The following AMBRA1 variants were observed in gnomAD, a reference collection of about 807,000 sequenced individuals.
AMBRA1 encodes the protein autophagy and beclin 1 regulator 1.
Under a neutral mutation model 125.4 loss-of-function variants are expected in AMBRA1, and 47 were observed. The observed-to-expected ratio is 0.37, with a 90% CI of 0.30 to 0.48. AMBRA1 has a LOEUF of 0.48. AMBRA1 is among the 20% of genes least tolerant of loss of function. The pLI, the probability that AMBRA1 is intolerant of heterozygous loss-of-function variation, is 0.99. For missense variants in AMBRA1, 1,331 were observed against 1,693.4 expected (o/e 0.79, Z 3.76); for synonymous variants, 626 against 655.5 (o/e 0.95, Z 0.69).
chr11:46,446,416 C>T (rs1268775373), intron 11 of AMBRA1, among the ~76,000 whole-genome samples: 1 of 152,178 alleles, frequency 6.6e-6, no homozygotes, highest in Non-Finnish European at 1.5e-5. Flanking sequence ...GGTTAATGGA[C>T]TGAGCTAGAA....
At chr11:46,576,437 GC>G (rs2043963677) in intron 1 of AMBRA1, among the ~76,000 whole-genome samples, 1 of 152,224 alleles carries the variant, frequency 6.6e-6, no homozygotes, top group Admixed American at 6.5e-5. Context: ...CAGACATATT[GC>G]TTTGATTAAC....
intron 1 of AMBRA1, among the ~76,000 whole-genome samples, chr11:46,581,797 C>CAAAAAAAAAAAAAAAA (rs1162857231): frequency 1.4e-5 from 1 of 69,950 alleles, no homozygotes. Context: ...AAAACTCCAT[C>CAAAAAAAAAAAAAAAA]AAAAAAAAAA....
intron 11 of AMBRA1, among the ~76,000 whole-genome samples, chr11:46,472,733 TA>T (rs1949651182): frequency 6.6e-6 from 1 of 152,148 alleles, no homozygotes; most frequent in Non-Finnish European, 1.5e-5. Flanking sequence ...TCAGCAATAA[TA>T]AAAACACAAA....
intron 7 of AMBRA1, among the ~76,000 whole-genome samples, chr11:46,529,420 T>C (rs1952118086): frequency 6.6e-6 from 1 of 152,088 alleles, no homozygotes; most frequent in Non-Finnish European, 1.5e-5. Context: ...GGAGCCCCTG[T>C]GGGTGAATTA....
intron 11 of AMBRA1, among the ~76,000 whole-genome samples, chr11:46,450,029 A>T (rs1948496596): frequency 6.6e-6 from 1 of 151,456 alleles, no homozygotes; most frequent in Non-Finnish European, 1.5e-5. Context: ...ACTGCACTCC[A>T]GCCTGGGCAA....
intron 9 of AMBRA1, chr11:46,495,533 A>G (rs900885975): frequency 1.3e-5 from 2 of 152,218 alleles, no homozygotes; most frequent in African/African-American, 2.4e-5. Context: ...TCCTTAACAT[A>G]TCTTATTCCT....
intron 16 of AMBRA1, among the ~76,000 whole-genome samples, chr11:46,409,816 A>C (rs1946199395): frequency 6.6e-6 from 1 of 152,252 alleles, no homozygotes; most frequent in African/African-American, 2.4e-5. Flanking sequence ...GCTTTGTTCC[A>C]GTCTTCATTA....
At chr11:46,569,073 C>A (rs553945610) in intron 1 of AMBRA1, among the ~76,000 whole-genome samples, 23 of 151,706 alleles carry the variant, frequency 1.5e-4, no homozygotes, top group Admixed American at 3.3e-4. Flanking sequence ...TCCCAAAGTG[C>A]TAGGATTATA....
At chr11:46,511,773 G>A (rs1016005943) in intron 8 of AMBRA1, among the ~76,000 whole-genome samples, 2 of 152,278 alleles carry the variant, frequency 1.3e-5, no homozygotes, top group African/African-American at 4.8e-5. Flanking sequence ...TTGGTCCTTA[G>A]TTATCACCAT....
chr11:46,495,767 C>T (rs1196785449), intron 9 of AMBRA1, among the ~76,000 whole-genome samples: 1 of 152,320 alleles, frequency 6.6e-6, no homozygotes, highest in East Asian at 1.9e-4. Flanking sequence ...AAATATACTA[C>T]TGTTGTGATA....
At chr11:46,558,283 G>C (rs933931074) in intron 1 of AMBRA1, among the ~76,000 whole-genome samples, 3 of 151,900 alleles carry the variant, frequency 2.0e-5, no homozygotes, top group African/African-American at 7.3e-5. Context: ...GGGCGCAGTC[G>C]CTCACACCTG....
At chr11:46,488,232 G>T (rs985228377) in intron 11 of AMBRA1, among the ~76,000 whole-genome samples, 1 of 152,172 alleles carries the variant, frequency 6.6e-6, no homozygotes, top group African/African-American at 2.4e-5. Context: ...GGGGCAGGTA[G>T]ATCCCTTGAC....
intron 11 of AMBRA1, among the ~76,000 whole-genome samples, chr11:46,446,920 C>A (rs1181086757): frequency 6.6e-6 from 1 of 152,190 alleles, no homozygotes; most frequent in Non-Finnish European, 1.5e-5. Context: ...TGGGATCTTA[C>A]GGCTTGTTTT....
At position 46,434,965 on chromosome 11, in the gene AMBRA1, T is replaced by A; in HGVS notation, c.2705A>T (p.Gln902Leu). ...GCTGGGGATGAAAGCTGCCAGGAGC[T>A]GGCCATCTGCAGAAATGTCACAGCT... ...DASCDISADG[Q>L]LLAAFIPSSQ... The change falls in exon 13 of 18, where the codon CAG (glutamine) becomes CTG (leucine). Residue 902 changes from glutamine (Q) to leucine (L), a missense_variant. This residue lies in a region of AMBRA1 where 354 missense variants were observed against 532.7 expected (regional missense o/e 0.66). Transcript: ENST00000683756. 6.2e-7 allele frequency: 1 copy of A among 1,613,922 alleles called. No individual in the cohort carries two copies. Among genetic ancestry groups the A allele is most frequent in the Non-Finnish European group, 8.5e-7 (1 of 1,179,912 alleles).
chr11:46,458,044 A>G (rs539170464), intron 11 of AMBRA1, among the ~76,000 whole-genome samples: 1 of 152,312 alleles, frequency 6.6e-6, no homozygotes, highest in Non-Finnish European at 1.5e-5. Flanking sequence ...AGCAAAAATA[A>G]GTGAGAGAGA....
intron 1 of AMBRA1, among the ~76,000 whole-genome samples, chr11:46,560,958 G>A (rs2043315415): frequency 6.6e-6 from 1 of 152,158 alleles, no homozygotes; most frequent in Non-Finnish European, 1.5e-5. Flanking sequence ...GGCTGGAGTA[G>A]GGCCGATTTC....
chr11:46,470,760 C>G (rs1311135123), intron 11 of AMBRA1, among the ~76,000 whole-genome samples: 4 of 151,714 alleles, frequency 2.6e-5, no homozygotes, highest in Non-Finnish European at 5.9e-5. Flanking sequence ...GAGACTGTCT[C>G]AAAAAAATAA....
At chr11:46,478,757 C>T (rs527389893) in intron 11 of AMBRA1, among the ~76,000 whole-genome samples, 2 of 142,852 alleles carry the variant, frequency 1.4e-5, no homozygotes, top group African/African-American at 5.2e-5. Context: ...CGGGTTCAAG[C>T]GATTCTCCTG....
intron 7 of AMBRA1, among the ~76,000 whole-genome samples, chr11:46,520,689 G>A (rs1951720821): frequency 6.7e-6 from 1 of 150,222 alleles, no homozygotes; most frequent in South Asian, 2.1e-4. Context: ...TCTGCCTCCC[G>A]GGTTCACGCC....
Sources: gnomAD v4.1 joint callset for allele counts (sites outside exome capture counted in the v4.1 genomes callset) on GRCh38, gnomAD v4.1.1 for gene constraint, gnomAD v4.1.1 regional missense constraint, MANE v1.5 for transcripts, NCBI Gene and HGNC (gene_info 2026-07-23, HGNC 2026-07-21) for gene names.